PHF14: variants seen among roughly 807,000 people sequenced by gnomAD.
The protein encoded by PHF14 is PHD finger protein 14.
PHF14 carries 55 observed loss-of-function variants against 117.9 expected under a neutral mutation model. The ratio of observed to expected loss-of-function variants is 0.47; its 90% CI spans 0.38 to 0.58. The LOEUF is 0.58. Among genes scored for constraint, PHF14 ranks in the 20% least tolerant of loss-of-function variants. PHF14 has a pLI of 0.00. For synonymous variants in PHF14, 409 were observed against 368.6 expected, an observed-to-expected ratio of 1.11 and a Z score of -1.26; for missense variants, 978 against 1,122.2, an observed-to-expected ratio of 0.87 and a Z score of 1.84.
chr7:10,997,095 C>T (rs1782679808), intron 4 of PHF14, among the ~76,000 whole-genome samples: 1 of 152,152 alleles, frequency 6.6e-6, no homozygotes, highest in South Asian at 2.1e-4. Context: ...CATCTTGGTC[C>T]TTCTATCCCT....
At chr7:11,076,225 A>G (rs1785844831) in intron 16 of PHF14, among the ~76,000 whole-genome samples, 1 of 152,236 alleles carries the variant, frequency 6.6e-6, no homozygotes, top group African/African-American at 2.4e-5. Context: ...AGCATAATTT[A>G]CATTTGAACA....
At chr7:11,087,795 C>G (rs1385662930) in intron 16 of PHF14, among the ~76,000 whole-genome samples, 1 of 152,030 alleles carries the variant, frequency 6.6e-6, no homozygotes, top group Non-Finnish European at 1.5e-5. Flanking sequence ...TCACTCTTTT[C>G]TGGCATTGGA....
At chr7:11,015,821 A>ATTTTTTTTTTTTTTTTTTTTTTTTT (rs200930490) in intron 5 of PHF14, among the ~76,000 whole-genome samples, 1 of 131,280 alleles carries the variant, frequency 7.6e-6, no homozygotes, top group African/African-American at 2.8e-5. Flanking sequence ...TCATGCATAG[A>ATTTTTTTTTTTTTTTTTTTTTTTTT]TTTTTTTTTT....
intron 16 of PHF14, chr7:11,103,126 A>C: frequency 1.0e-6 from 1 of 978,164 alleles, no homozygotes; most frequent in Non-Finnish European, 1.2e-6. Context: ...TATTCAGCAA[A>C]AGTGAAAGAC....
Position 10,982,355 on chromosome 7 carries a change from T to C in PHF14, c.113-17T>C, listed in dbSNP as rs749032753. 6 of 1,510,188 alleles carry C rather than the reference T, an allele frequency of 4.0e-6. No homozygotes were observed. Among genetic ancestry groups the C allele is most frequent in the Non-Finnish European group, 5.3e-6 (6 of 1,131,404 alleles). 93.5% of individuals were successfully genotyped at this position (1,510,188 alleles called of 1,614,324 possible). ...ATATACATATGTGTGGTTTTTTTTT[T>C]CTCATATTTTCAACAGATTCTGAAG... On this transcript the variant is annotated splice_polypyrimidine_tract_variant and intron_variant, in intron 2 of 17. Transcript: ENST00000634607.
At chr7:11,069,616 T>TCCCTCCCTTCTTTCCTTC (rs2128332431) in intron 16 of PHF14, among the ~76,000 whole-genome samples, 1 of 40,014 alleles carries the variant, frequency 2.5e-5, no homozygotes, top group East Asian at 7.3e-4. Context: ...CCTCCCTCCC[T>TCCCTCCCTTCTTTCCTTC]CCCTCCCTTC....
At chr7:11,108,395 A>C (rs1165962546) in intron 16 of PHF14, 3 of 151,650 alleles carry the variant, frequency 2.0e-5, no homozygotes, top group Non-Finnish European at 4.4e-5. Context: ...TAAGGGTACT[A>C]CTACTTTTTG....
At chr7:11,051,212 CT>C (rs549494772) in intron 13 of PHF14, among the ~76,000 whole-genome samples, 44 of 145,140 alleles carry the variant, frequency 3.0e-4, no homozygotes, top group South Asian at 6.7e-4. Context: ...AGTTAATTTT[CT>C]TTTTTTTTTT....
At chr7:11,148,326 G>C (rs916092980) in intron 17 of PHF14, among the ~76,000 whole-genome samples, 7 of 152,122 alleles carry the variant, frequency 4.6e-5, no homozygotes, top group Non-Finnish European at 8.8e-5. Context: ...TTCATCTTAT[G>C]CTCGATTTCC....
chr7:11,107,604 G>A, intron 16 of PHF14: 2 of 780,038 alleles, frequency 2.6e-6, no homozygotes, highest in Non-Finnish European at 3.1e-6. Flanking sequence ...AAATCTTAGT[G>A]TTTCTTTACA....
chr7:11,115,837 T>G (rs1787586359), intron 17 of PHF14, among the ~76,000 whole-genome samples: 2 of 152,072 alleles, frequency 1.3e-5, no homozygotes, highest in Non-Finnish European at 2.9e-5. Context: ...AGCAGTTATT[T>G]TGTAGAATGT....
intron 16 of PHF14, chr7:11,107,449 G>A (rs1274636723): frequency 1.2e-6 from 1 of 819,492 alleles, no homozygotes; most frequent in African/African-American, 1.9e-5. Context: ...CTGATAGCTA[G>A]GAAGTTGTAT....
rs187114641 is a variant in PHF14, at chr7:10,995,815, G to A, written c.1045+4968G>A. ...CCAGGTGCTAAGCCCCTCACTGCCCGGGGCTGGCAGTGCCCGCCAAGCCCA... is the reference window on the plus strand; with the variant it reads ...CCAGGTGCTAAGCCCCTCACTGCCCAGGGCTGGCAGTGCCCGCCAAGCCCA... On this transcript the variant is annotated intron_variant, in intron 4 of 17. Coordinates refer to ENST00000634607, the MANE Select transcript of PHF14 (RefSeq NM_001007157.2). 2.7e-4 allele frequency among the ~76,000 whole-genome samples: 41 copies of A among 152,232 alleles called. No homozygotes were observed. The East Asian group carries it at 6.4e-3, about 24-fold the overall frequency.
rs760354638 is a variant in PHF14 at position 11,061,803 on chromosome 7, C to T, written c.2494C>T (p.Arg832Ter). Residue 832 changes from arginine to a stop codon, truncating the protein, a stop_gained, in exon 15 of 18, where the codon CGA (arginine) becomes TGA (stop). Coordinates refer to ENST00000634607, the MANE Select transcript of PHF14 (RefSeq NM_001007157.2). LOFTEE classifies it high-confidence loss of function. Reference protein sequence around the residue: ...IPIRNTRTRGRKRSFVPEEEK... With the variant: ...IPIRNTRTRG ...TGTTTTTTTCCAGAGAACCAGAGGA[C>T]GAAAACGAAGCTTCGTTCCTGAGGA... is the stretch of plus-strand genomic sequence containing the variant. 11 of 1,507,674 alleles carry T rather than the reference C, an allele frequency of 7.3e-6. No individual in the cohort carries two copies. The highest frequency in any genetic ancestry group is 2.2e-5 in the Admixed American group (1 of 44,634). The allele number at this position is 1,507,674 out of a possible 1,614,324, so 93.4% of individuals were successfully genotyped here. A position where few individuals can be genotyped will look rare whatever the true frequency, so the allele number is the denominator to read the frequency against.
At chr7:11,106,127 C>T in intron 16 of PHF14, 1 of 983,366 alleles carries the variant, frequency 1.0e-6, no homozygotes, top group South Asian at 4.7e-5. Flanking sequence ...ATTGTTTTGT[C>T]TCATCTTTCA....
chr7:11,014,948 T>A (rs1783483180), intron 5 of PHF14: 1 of 151,868 alleles, frequency 6.6e-6, no homozygotes, highest in Non-Finnish European at 1.5e-5. Flanking sequence ...TAAGAGTAAT[T>A]TTCAACCTTT....
intron 9 of PHF14, 137 bp downstream of exon 9, chr7:11,036,825 G>A: frequency 1.0e-6 from 1 of 984,668 alleles, no homozygotes; most frequent in East Asian, 2.6e-5. Context: ...TTCCTAATAT[G>A]TTGTGGGTTT....
intron 16 of PHF14, among the ~76,000 whole-genome samples, chr7:11,077,536 G>A (rs1345730499): frequency 1.3e-5 from 2 of 148,894 alleles, no homozygotes; most frequent in Non-Finnish European, 3.0e-5. Context: ...AGGAGGCAAA[G>A]GTTGTAGTGA....
chr7:10,993,079 G>C (rs1010156134), intron 4 of PHF14, among the ~76,000 whole-genome samples: 1 of 152,124 alleles, frequency 6.6e-6, no homozygotes, highest in African/African-American at 2.4e-5. Context: ...AGTTACTGGT[G>C]ATATTACTAT....
Sources: gnomAD v4.1 joint callset for allele counts (sites outside exome capture counted in the v4.1 genomes callset) on GRCh38, gnomAD v4.1.1 for gene constraint, MANE v1.5 for transcripts, NCBI Gene and HGNC (gene_info 2026-07-23, HGNC 2026-07-21) for gene names.